AANAT: variants seen among roughly 807,000 people sequenced by gnomAD.
AANAT encodes aralkylamine N-acetyltransferase, also known as serotonin N-acetyltransferase.
AANAT carries 11 observed loss-of-function variants against 15.6 expected under a neutral mutation model. The observed-to-expected ratio is 0.71, with a 90% confidence interval of 0.44 to 1.17. AANAT has a LOEUF of 1.17. AANAT is among the 50% of genes most tolerant of loss of function. The pLI is 0.00. For missense variants in AANAT, 286 were observed against 296.3 expected (o/e 0.97, Z 0.26); for synonymous variants, 139 against 131.5 (o/e 1.06, Z -0.39).
chr17:76,458,198 A>C (rs1172648092), intron 1 of AANAT, among the ~76,000 whole-genome samples: 1 of 151,594 alleles, frequency 6.6e-6, no homozygotes, highest in East Asian at 1.9e-4. Context: ...AAGTGCCCCC[A>C]GTTTCAACTG....
At chr17:76,466,077 C>A, upstream of AANAT, 1 of 1,062,542 alleles carries the variant, frequency 9.4e-7, no homozygotes, top group Non-Finnish European at 1.4e-6. Context: ...AAGAACAGGG[C>A]CATGTGGAAG....
chr17:76,468,612 C>G (rs2073466390), intron 1 of AANAT, 60 bp from the exon 2 acceptor site: 2 of 1,446,760 alleles, frequency 1.4e-6, no homozygotes, highest in South Asian at 2.6e-5. Flanking sequence ...GATACATACT[C>G]TGGGGCCTGC....
At chr17:76,468,983 T>C in intron 2 of AANAT, 74 bp downstream of exon 2, 2 of 1,528,996 alleles carry the variant, frequency 1.3e-6, no homozygotes, top group Non-Finnish European at 1.8e-6. Context: ...AGACCCTTAG[T>C]CTCCTGTCCT....
chr17:76,466,334 C>T, upstream of AANAT: 2 of 906,636 alleles, frequency 2.2e-6, no homozygotes, highest in South Asian at 1.7e-5. Context: ...TCCCTTCTAG[C>T]AGGCAGGTGG....
Position 76,468,782 on chromosome 17 carries a change from G to A in AANAT, c.36G>A (p.Glu12=). The A allele has an allele frequency of 6.2e-7, 1 of 1,613,374 alleles. No homozygotes were observed. The highest frequency in any genetic ancestry group is 2.2e-5 in the East Asian group (1 of 44,854). Residue 12 remains glutamate (E), a synonymous_variant, in exon 2 of 4, where the codon GAG becomes GAA. Transcript: ENST00000392492. ...AGAGCACCCACCCCCTGAAACCTGA[G>A]GCCCCACGTCTGCCACCTGGGATCC... ...STQSTHPLKP[E]APRLPPGIPE...
rs1352310223 is a variant in AANAT, at chr17:76,453,426, G to A, written c.-932G>A. The A allele has an allele frequency of 1.5e-5, 4 of 274,478 alleles. No individual in the cohort carries two copies. The Admixed American group carries it at 2.1e-4, about 15-fold the overall frequency. 17.0% of individuals were successfully genotyped at this position (274,478 alleles called of 1,614,324 possible). On this transcript the variant is annotated 5_prime_UTR_variant, in exon 1 of 7. Coordinates refer to the AANAT transcript ENST00000250615. Reference sequence around the variant, plus strand: ...GCGAGAAGGGGCGGGGACCCGGGAGGAGGAAGTGGAGTGGCCACCGAGGAA... The same window carrying A: ...GCGAGAAGGGGCGGGGACCCGGGAGAAGGAAGTGGAGTGGCCACCGAGGAA...
At chr17:76,453,368 G>C (rs2143952045) in exon 1 of AANAT, 1 of 329,904 alleles carries the variant, frequency 3.0e-6, no homozygotes, top group East Asian at 4.7e-5. Flanking sequence ...CCACTAAGAA[G>C]GGGCGAGACC....
rs761686519 is a variant in AANAT at position 76,468,798 on chromosome 17, C to T, written c.52C>T (p.Pro18Ser). ...GAAACCTGAGGCCCCACGTCTGCCA[C>T]CTGGGATCCCCGAGTCCCCGAGCTG... The part of the protein sequence containing the change: ...PLKPEAPRLP[P>S]GIPESPSCQR... Residue 18 changes from proline (P) to serine (S), a missense_variant, in exon 2 of 4, where the codon CCT becomes TCT. Pro to Ser is a moderately conservative substitution (Grantham distance 74). Transcript: ENST00000392492. 2 of 1,613,450 alleles carry T rather than the reference C, an allele frequency of 1.2e-6. No homozygotes were observed. Among genetic ancestry groups the T allele is most frequent in the African/African-American group, 2.7e-5 (2 of 74,926 alleles).
At chr17:76,453,373 G>A (rs2073299054) in exon 1 of AANAT, 1 of 325,998 alleles carries the variant, frequency 3.1e-6, no homozygotes. Flanking sequence ...AAGAAGGGGC[G>A]AGACCAGTGA....
chr17:76,463,711 C>A (rs2073410881), upstream of AANAT, among the ~76,000 whole-genome samples: 1 of 152,146 alleles, frequency 6.6e-6, no homozygotes, highest in Non-Finnish European at 1.5e-5. Flanking sequence ...TGCCCCATTT[C>A]TTGGACATTC....
intron 1 of AANAT, among the ~76,000 whole-genome samples, chr17:76,453,958 C>T (rs7210520): frequency 0.32 from 48,027 of 152,170 alleles, 8,730 homozygotes; most frequent in African/African-American, 0.49. Context: ...AATAGGCACA[C>T]TGATTAACTT....
upstream of AANAT, among the ~76,000 whole-genome samples, chr17:76,464,003 C>G (rs1278364423): frequency 6.6e-6 from 1 of 152,140 alleles, no homozygotes; most frequent in South Asian, 2.1e-4. Context: ...CCTGGCAGTT[C>G]TCTGTGTGCC....
intron 2 of AANAT, among the ~76,000 whole-genome samples, chr17:76,461,679 G>A (rs1409733092): frequency 6.6e-6 from 1 of 151,508 alleles, no homozygotes; most frequent in African/African-American, 2.4e-5. Context: ...AGTCAGTGGT[G>A]GGTGCAACAT....
At chr17:76,465,756 G>A (rs1416183430), upstream of AANAT, 3 of 235,588 alleles carry the variant, frequency 1.3e-5, no homozygotes, top group South Asian at 1.3e-4. Flanking sequence ...AGGTCCCAGC[G>A]ATCACCCTGC....
At chr17:76,459,604 G>A (rs2073368459) in intron 2 of AANAT, among the ~76,000 whole-genome samples, 1 of 152,200 alleles carries the variant, frequency 6.6e-6, no homozygotes, top group Non-Finnish European at 1.5e-5. Context: ...GGGGAGGTGG[G>A]AGGTACAGTG....
At chr17:76,455,529 A>T (rs1166334430) in intron 1 of AANAT, among the ~76,000 whole-genome samples, 1 of 152,266 alleles carries the variant, frequency 6.6e-6, no homozygotes, top group Non-Finnish European at 1.5e-5. Flanking sequence ...GGACAGATTT[A>T]AATGGATTGT....
chr17:76,460,915 A>G (rs1022280715), intron 2 of AANAT, among the ~76,000 whole-genome samples: 1 of 152,176 alleles, frequency 6.6e-6, no homozygotes, highest in Non-Finnish European at 1.5e-5. Flanking sequence ...CTATAATCCC[A>G]GCAATTTGGG....
intron 1 of AANAT, among the ~76,000 whole-genome samples, chr17:76,456,560 A>G (rs2143960272): frequency 6.6e-6 from 1 of 152,282 alleles, no homozygotes; most frequent in Non-Finnish European, 1.5e-5. Flanking sequence ...TTCTCAAACC[A>G]TGGCCTTCCC....
chr17:76,468,767 C>T lies in AANAT; in HGVS notation c.21C>T (p.His7=), dbSNP rs771656356. 2 of 1,612,804 alleles carry T rather than the reference C, an allele frequency of 1.2e-6. No individual in the cohort carries two copies. Among genetic ancestry groups the T allele is most frequent in the African/African-American group, 1.3e-5 (1 of 74,900 alleles). Residue 7 remains histidine, a synonymous_variant, in exon 2 of 4, where the codon CAC becomes CAT. Coordinates refer to ENST00000392492, the MANE Select transcript of AANAT (RefSeq NM_001088.3). ...CCAGAATGTCCACGCAGAGCACCCA[C>T]CCCCTGAAACCTGAGGCCCCACGTC... MSTQST[H]PLKPEAPRLP... is the part of the protein sequence containing the mutation.
Sources: allele counts gnomAD v4.1 joint callset (sites outside exome capture counted in the v4.1 genomes callset), GRCh38; gene constraint gnomAD v4.1.1; transcripts MANE v1.5; gene names NCBI Gene and HGNC (gene_info 2026-07-23, HGNC 2026-07-21).